SPTBN1: variants seen among roughly 807,000 people sequenced by gnomAD.
SPTBN1 encodes the protein spectrin beta, non-erythrocytic 1.
A neutral mutation model predicts 266.4 loss-of-function variants in SPTBN1; 32 were observed. That is an observed-to-expected ratio of 0.12 (90% CI 0.09 to 0.16). The LOEUF (loss-of-function observed/expected upper bound fraction) is 0.16. Among genes scored for constraint, SPTBN1 ranks in the 10% least tolerant of loss-of-function variants. The pLI is 1.00. For synonymous variants in SPTBN1, 1,336 were observed against 1,162.2 expected (o/e 1.15, Z -3.04); for missense variants, 2,296 against 3,067.1 (o/e 0.75, Z 5.94).
In SPTBN1 at chr2:54,655,865, A is replaced by G. The variant is rs749099740; in HGVS notation, c.5962-49A>G. The G allele has an allele frequency of 2.1e-6, 3 of 1,415,844 alleles. No homozygotes were observed. In the Admixed American group the frequency reaches 5.1e-5, roughly 24 times the overall value. The allele number at this position is 1,415,844 out of a possible 1,614,324, so 87.7% of individuals were successfully genotyped here. ...AGTATAAAATGACCCCATCAAGAGG[A>G]TGTGGTGCATTCCATTAAGATGTCC... is the stretch of plus-strand genomic sequence containing the variant. On this transcript the variant is annotated intron_variant, in intron 28 of 35. Transcript: ENST00000356805.
chr2:54,543,253 A>G (rs912455296), intron 2 of SPTBN1, among the ~76,000 whole-genome samples: 1 of 152,220 alleles, frequency 6.6e-6, no homozygotes, highest in Non-Finnish European at 1.5e-5. Context: ...GGAATGTTGC[A>G]GGAACTTAAA....
At chr2:54,534,352 C>T (rs900087390) in intron 2 of SPTBN1, among the ~76,000 whole-genome samples, 1 of 152,100 alleles carries the variant, frequency 6.6e-6, no homozygotes, top group African/African-American at 2.4e-5. Context: ...AGGCTGTATC[C>T]CTAAATTATG....
At chr2:54,627,738 T>G (rs1449564922) in intron 12 of SPTBN1, among the ~76,000 whole-genome samples, 2 of 152,180 alleles carry the variant, frequency 1.3e-5, no homozygotes, top group African/African-American at 4.8e-5. Flanking sequence ...AGTTTATATT[T>G]TGGAATCTTT....
chr2:54,469,571 A>T (rs1693812285), intron 1 of SPTBN1, among the ~76,000 whole-genome samples: 1 of 152,176 alleles, frequency 6.6e-6, no homozygotes, highest in Admixed American at 6.5e-5. Context: ...AGCTGCCTGA[A>T]GCCTGGTGTA....
At chr2:54,456,826 C>A (rs1693058623) in intron 1 of SPTBN1, among the ~76,000 whole-genome samples, 3 of 151,336 alleles carry the variant, frequency 2.0e-5, no homozygotes, top group African/African-American at 7.3e-5. Flanking sequence ...GGCCCCAGCC[C>A]CGGCGCGGCG....
At chr2:54,600,114 CT>C (rs961681609) in intron 3 of SPTBN1, among the ~76,000 whole-genome samples, 2 of 152,208 alleles carry the variant, frequency 1.3e-5, no homozygotes, top group Non-Finnish European at 2.9e-5. Context: ...TTATTTTTAA[CT>C]TGATCTCCAC....
rs1272572585 is a variant in SPTBN1, at chr2:54,664,653, A to G, written c.6621A>G (p.Lys2207=). 1 of 1,614,092 alleles carries G rather than the reference A, an allele frequency of 6.2e-7. No individual in the cohort carries two copies. Among genetic ancestry groups the G allele is most frequent in the Non-Finnish European group, 8.5e-7 (1 of 1,180,050 alleles). The change falls in exon 33 of 36, where the codon AAA becomes AAG. Residue 2207 remains lysine (K), a synonymous_variant. Transcript: ENST00000356805. This position sits in a 1 kb window ranked among gnomAD's most constrained non-coding sequence, Gnocchi z 5.6. The part of the protein sequence containing the change: ...SAQMEGFLNR[K]HEWEAHNKKA... ...AGATGGAAGGCTTCCTCAATCGGAA[A>G]CACGAGTGGGAGGCCCACAATAAGA...
Position 54,666,029 on chromosome 2 carries a change from A to G in SPTBN1, c.6774A>G (p.Lys2258=), listed in dbSNP as rs1470481359. ...PYHSEVPVSL[K]EAVCEVALDY... is the part of the protein sequence containing the mutation. ...ACAGCGAGGTCCCTGTGAGTTTGAA[A>G]GAAGCTGTCTGCGAAGTGGCCCTTG... The change falls in exon 34 of 36, where the codon AAA becomes AAG. Residue 2258 remains lysine, a synonymous_variant. Coordinates refer to ENST00000356805, the MANE Select transcript of SPTBN1 (RefSeq NM_003128.3). 2 of 1,614,118 alleles carry G rather than the reference A, an allele frequency of 1.2e-6. No individual in the cohort carries two copies. The highest frequency in any genetic ancestry group is 2.2e-5 in the South Asian group (2 of 91,068).
intron 2 of SPTBN1, among the ~76,000 whole-genome samples, chr2:54,588,534 G>T (rs969412806): frequency 6.6e-6 from 1 of 152,306 alleles, no homozygotes; most frequent in African/African-American, 2.4e-5. Flanking sequence ...TTTGCTAGCA[G>T]CATGCCCTCG....
chr2:54,576,245 G>T (rs926392129), intron 2 of SPTBN1, among the ~76,000 whole-genome samples: 15 of 151,824 alleles, frequency 9.9e-5, no homozygotes, highest in African/African-American at 3.6e-4. Flanking sequence ...GTAGAGACAG[G>T]GTTTTACCAT....
At position 54,631,354 on chromosome 2, in the gene SPTBN1, C is replaced by T; in HGVS notation, c.3307C>T (p.Gln1103Ter). 6.2e-7 allele frequency: 1 copy of T among 1,614,244 alleles called. No individual in the cohort carries two copies. Among genetic ancestry groups the T allele is most frequent in the Non-Finnish European group, 8.5e-7 (1 of 1,180,046 alleles). ...GACCGAGGCTGAGAAGCTGCTCACGCAGCACGAGAACATCAAGAACGAGAT... is the reference window on the plus strand; with the variant it reads ...GACCGAGGCTGAGAAGCTGCTCACGTAGCACGAGAACATCAAGAACGAGAT... The part of the protein sequence containing the change: ...TLTEAEKLLT[Q>*]HENIKNEIDN... The change falls in exon 16 of 36, where the codon CAG becomes TAG. Residue 1103 changes from glutamine to a stop codon, truncating the protein, a stop_gained. Coordinates refer to ENST00000356805, the MANE Select transcript of SPTBN1 (RefSeq NM_003128.3). LOFTEE classifies it high-confidence loss of function.
intron 2 of SPTBN1, among the ~76,000 whole-genome samples, chr2:54,571,600 C>CACACACATATAT (rs138829359): frequency 6.7e-6 from 1 of 149,916 alleles, no homozygotes; most frequent in African/African-American, 2.5e-5. Context: ...CACACACACA[C>CACACACATATAT]ATATCTATAA....
At chr2:54,611,704 TG>T (rs1266976773) in intron 3 of SPTBN1, among the ~76,000 whole-genome samples, 3 of 152,206 alleles carry the variant, frequency 2.0e-5, no homozygotes, top group African/African-American at 7.2e-5. Flanking sequence ...TCTGATTTGA[TG>T]GTTGTGTTCC....
At position 54,629,309 on chromosome 2, in the gene SPTBN1, G is replaced by A. The variant is rs747455785; in HGVS notation, c.2175G>A (p.Gln725=). Residue 725 remains glutamine (Q), a synonymous_variant, in exon 14 of 36, where the codon CAG becomes CAA. Transcript: ENST00000356805. ...AGAGGATCATTTACATCCGGGAGCAGTGGGCCAACCTAGAGCAGCTCTCGG... is the reference window on the plus strand; with the variant it reads ...AGAGGATCATTTACATCCGGGAGCAATGGGCCAACCTAGAGCAGCTCTCGG... ...IRERIIYIRE[Q]WANLEQLSAI... 1.2e-6 allele frequency: 2 copies of A among 1,614,098 alleles called. No individual in the cohort carries two copies. The highest frequency in any genetic ancestry group is 2.2e-5 in the East Asian group (1 of 44,888).
Position 54,629,925 on chromosome 2 carries a change from G to A in SPTBN1, c.2703G>A (p.Gln901=). 6.2e-7 allele frequency: 1 copy of A among 1,614,080 alleles called. No homozygotes were observed. Among genetic ancestry groups the A allele is most frequent in the Non-Finnish European group, 8.5e-7 (1 of 1,180,050 alleles). Residue 901 remains glutamine, a synonymous_variant, in exon 15 of 36, where the codon CAG becomes CAA. Transcript: ENST00000356805. Reference sequence around the variant, plus strand: ...GCCTAGAACCAGAAATGAACAACCAGGCTTCCCGGGTTGCAGTGGTGAACC... The same window carrying A: ...GCCTAGAACCAGAAATGAACAACCAAGCTTCCCGGGTTGCAGTGGTGAACC... The part of the protein sequence containing the change: ...FESLEPEMNN[Q]ASRVAVVNQI...
chr2:54,649,692 C>A lies in SPTBN1; in HGVS notation c.5280C>A (p.His1760Gln). The change falls in exon 26 of 36, where the codon CAC becomes CAA. Residue 1760 changes from histidine (H) to glutamine (Q), a missense_variant. Physicochemically the swap from His to Gln is conservative, Grantham distance 24. This residue lies in a region of SPTBN1 where 644 missense variants were observed against 745.3 expected (regional missense o/e 0.86). Transcript: ENST00000356805. This position sits in a 1 kb window ranked among gnomAD's most constrained non-coding sequence, Gnocchi z 6.7. ...AGGAGCGCGTGGACACGGTCAATCACCTGGCAGATGAGCTCATCAACTCTG... is the reference window on the plus strand; with the variant it reads ...AGGAGCGCGTGGACACGGTCAATCAACTGGCAGATGAGCTCATCAACTCTG... ...IGQERVDTVN[H>Q]LADELINSGH... is the part of the protein sequence containing the mutation. 1 of 1,614,158 alleles carries A rather than the reference C, an allele frequency of 6.2e-7. No individual in the cohort carries two copies. Among genetic ancestry groups the A allele is most frequent in the Non-Finnish European group, 8.5e-7 (1 of 1,180,024 alleles).
chr2:54,543,592 GTTT>G (rs754471763), intron 2 of SPTBN1, among the ~76,000 whole-genome samples: 2 of 148,020 alleles, frequency 1.4e-5, no homozygotes, highest in African/African-American at 5.0e-5. Context: ...AAAAATACTT[GTTT>G]TTTTTTTAAT....
At chr2:54,639,595 CAT>C (rs1244124482) in intron 18 of SPTBN1, among the ~76,000 whole-genome samples, 1 of 152,214 alleles carries the variant, frequency 6.6e-6, no homozygotes, top group South Asian at 2.1e-4. Flanking sequence ...TTTCCACTGA[CAT>C]ATGTCGATTT....
intron 2 of SPTBN1, among the ~76,000 whole-genome samples, chr2:54,593,980 G>A (rs1035316493): frequency 6.6e-6 from 1 of 151,568 alleles, no homozygotes; most frequent in African/African-American, 2.4e-5. Flanking sequence ...TTACAGGTGC[G>A]TGCCACCATG....
Sources: gnomAD v4.1 joint callset for allele counts (sites outside exome capture counted in the v4.1 genomes callset) on GRCh38, gnomAD v4.1.1 for gene constraint, gnomAD v4.1.1 regional missense constraint, Gnocchi (gnomAD v3.1) non-coding constraint, MANE v1.5 for transcripts, NCBI Gene and HGNC (gene_info 2026-07-23, HGNC 2026-07-21) for gene names.